Variants in ATP6V1C2 observed in about 807,000 individuals in gnomAD.
ATP6V1C2 encodes the protein V-type proton ATPase subunit C 2.
A neutral mutation model predicts 56.8 loss-of-function variants in ATP6V1C2; 45 were observed. The observed-to-expected ratio is 0.79, with a 90% confidence interval of 0.62 to 1.02. The LOEUF is 1.02. Ranked by LOEUF, ATP6V1C2 falls within the 50% of genes least tolerant of loss-of-function variation. The probability of loss-of-function intolerance (pLI) is 0.00; values close to 1 mark genes in which losing one functional copy is unlikely to be tolerated. For missense variants in ATP6V1C2, 463 were observed against 519.7 expected, an observed-to-expected ratio of 0.89 and a Z score of 1.06; for synonymous variants, 220 against 201.3, an observed-to-expected ratio of 1.09 and a Z score of -0.79.
At chr2:10,782,182 T>C in intron 12 of ATP6V1C2, 61 bp from the exon 13 acceptor site, 2 of 1,596,394 alleles carry the variant, frequency 1.3e-6, no homozygotes, top group South Asian at 2.3e-5. Flanking sequence ...TCTGGTCAGG[T>C]TCCTTCTATC....
intron 5 of ATP6V1C2, among the ~76,000 whole-genome samples, chr2:10,767,567 C>T (rs2148487378): frequency 6.6e-6 from 1 of 152,296 alleles, no homozygotes; most frequent in African/African-American, 2.4e-5. Flanking sequence ...AAGCAATTCT[C>T]CTGCCTCAGC....
Position 10,778,670 on chromosome 2 carries a change from G to A in ATP6V1C2, c.1061+1G>A, listed in dbSNP as rs966518750. The A allele has an allele frequency of 6.2e-7, 1 of 1,614,142 alleles. No homozygotes were observed. Among genetic ancestry groups the A allele is most frequent in the Non-Finnish European group, 8.5e-7 (1 of 1,179,976 alleles). ...GAGTGTTTGTGGAGTCCGTGCTCAG[G>A]TGCGTGGCAGTGATGCCCCGGCTGG... On this transcript the variant is annotated splice_donor_variant, in intron 12 of 13. Coordinates refer to ENST00000272238, the MANE Select transcript of ATP6V1C2 (RefSeq NM_001039362.2). LOFTEE classifies it high-confidence loss of function.
At chr2:10,746,992 G>A (rs2148446590) in intron 3 of ATP6V1C2, among the ~76,000 whole-genome samples, 1 of 152,368 alleles carries the variant, frequency 6.6e-6, no homozygotes, top group South Asian at 2.1e-4. Context: ...TTCTCAGCCA[G>A]GTGCGGTGGC....
intron 3 of ATP6V1C2, among the ~76,000 whole-genome samples, chr2:10,733,146 A>G (rs1249331458): frequency 6.6e-6 from 1 of 152,172 alleles, no homozygotes; most frequent in African/African-American, 2.4e-5. Flanking sequence ...TATATTCTTA[A>G]GAGCCTTCCT....
intron 8 of ATP6V1C2, 96 bp downstream of exon 8, chr2:10,772,706 C>T (rs1173912449): frequency 8.1e-6 from 9 of 1,115,362 alleles, no homozygotes; most frequent in Non-Finnish European, 1.2e-5. Context: ...GGGTGTGAGG[C>T]TCCCCAGCTT....
intron 3 of ATP6V1C2, among the ~76,000 whole-genome samples, chr2:10,730,108 A>T (rs1661869194): frequency 6.6e-6 from 1 of 152,120 alleles, no homozygotes; most frequent in Non-Finnish European, 1.5e-5. Flanking sequence ...AGTTCTAGTG[A>T]ACATACTTTG....
chr2:10,752,862 G>C (rs1043916804), intron 3 of ATP6V1C2, among the ~76,000 whole-genome samples: 4 of 152,102 alleles, frequency 2.6e-5, no homozygotes, highest in African/African-American at 4.8e-5. Context: ...TGGGTGTCGT[G>C]GTGGGCCTCT....
At chr2:10,723,504 G>A (rs370819545) in intron 2 of ATP6V1C2, among the ~76,000 whole-genome samples, 62 of 152,058 alleles carry the variant, frequency 4.1e-4, no homozygotes, top group Non-Finnish European at 8.5e-4. Context: ...GCATCTAAGG[G>A]TTCTTGGAGT....
chr2:10,723,141 A>G (rs10929693), intron 2 of ATP6V1C2, among the ~76,000 whole-genome samples, 163 bp downstream of exon 2: 60,196 of 151,896 alleles, frequency 0.4, 13,750 homozygotes, highest in East Asian at 0.65. Context: ...GTGATGGGCT[A>G]GGTGGGATAT....
intron 3 of ATP6V1C2, among the ~76,000 whole-genome samples, chr2:10,738,641 T>A (rs2171775): frequency 0.021 from 3,192 of 152,296 alleles, 106 homozygotes; most frequent in African/African-American, 0.074. Flanking sequence ...TGGACGTTCC[T>A]TATTTTCACG....
At chr2:10,751,106 G>A (rs1663188210) in intron 3 of ATP6V1C2, among the ~76,000 whole-genome samples, 1 of 152,204 alleles carries the variant, frequency 6.6e-6, no homozygotes, top group Admixed American at 6.5e-5. Context: ...ATTATAGGGA[G>A]ACAGAGTTAT....
rs375060641 is a variant in ATP6V1C2 at position 10,759,112 on chromosome 2, G to A, written c.283+5046G>A. Among the ~76,000 whole-genome samples the A allele has an allele frequency of 5.3e-5, 8 of 152,284 alleles. No homozygotes were observed. The East Asian group carries it at 5.8e-4, about 11-fold the overall frequency. ...GTTGCATTTTAATCCTATCTCCTCCGGGGGCATTTAGGGCACCACTGCCTG... is the reference window on the plus strand; with the variant it reads ...GTTGCATTTTAATCCTATCTCCTCCAGGGGCATTTAGGGCACCACTGCCTG... On this transcript the variant is annotated intron_variant, in intron 4 of 13. Transcript: ENST00000272238.
At chr2:10,732,752 C>A (rs1485413131) in intron 3 of ATP6V1C2, among the ~76,000 whole-genome samples, 4 of 151,700 alleles carry the variant, frequency 2.6e-5, no homozygotes, top group Non-Finnish European at 5.9e-5. Flanking sequence ...GCGGGTGGAT[C>A]ATGAGGTCAA....
In ATP6V1C2 at chr2:10,771,921, C is replaced by T; in HGVS notation, c.553C>T (p.Leu185=). ...GGATTCTGAATATCTCGTCACACTTCTGGTCATCGTCCCCAAGTGAGTGCT... is the reference window on the plus strand; with the variant it reads ...GGATTCTGAATATCTCGTCACACTTTTGGTCATCGTCCCCAAGTGAGTGCT... The part of the protein sequence containing the change: ...VLDSEYLVTL[L]VIVPKPNYSQ... The change falls in exon 7 of 14, where the codon CTG becomes TTG. Residue 185 remains leucine (L), a synonymous_variant. Transcript: ENST00000272238. 1 of 1,614,040 alleles carries T rather than the reference C, an allele frequency of 6.2e-7. No homozygotes were observed. Among genetic ancestry groups the T allele is most frequent in the South Asian group, 1.1e-5 (1 of 91,078 alleles).
chr2:10,783,984 G>C lies in ATP6V1C2; in HGVS notation c.*721G>C, dbSNP rs1158293897. 1 of 276,050 alleles carries C rather than the reference G, an allele frequency of 3.6e-6. No homozygotes were observed. Among genetic ancestry groups the C allele is most frequent in the Non-Finnish European group, 6.7e-6 (1 of 149,200 alleles). 17.1% of individuals were successfully genotyped at this position (276,050 alleles called of 1,614,324 possible). On this transcript the variant is annotated 3_prime_UTR_variant, in exon 14 of 14. Transcript: ENST00000272238. ...CAAGAACATTCAAGCAGCAGTCAGA[G>C]AGAAAAATGTTTCGACAGCCAAGTT...
intron 6 of ATP6V1C2, among the ~76,000 whole-genome samples, chr2:10,771,205 A>G (rs1045449241): frequency 1.3e-5 from 2 of 152,208 alleles, no homozygotes; most frequent in Non-Finnish European, 2.9e-5. Flanking sequence ...CCGGGGAAGC[A>G]CTGTGTGCCG....
At chr2:10,774,491 G>A (rs1686454) in intron 8 of ATP6V1C2, among the ~76,000 whole-genome samples, 45,240 of 152,012 alleles carry the variant, frequency 0.3, 7,128 homozygotes, top group Middle Eastern at 0.42. Flanking sequence ...CTGTGGTGAC[G>A]GAGGCCCAGG....
At chr2:10,739,783 G>C (rs1662446567) in intron 3 of ATP6V1C2, among the ~76,000 whole-genome samples, 1 of 151,990 alleles carries the variant, frequency 6.6e-6, no homozygotes, top group Non-Finnish European at 1.5e-5. Context: ...TTATTTTAAA[G>C]TTGCATGGAG....
chr2:10,763,378 G>A lies in ATP6V1C2; in HGVS notation c.284-953G>A, dbSNP rs947541093. Among the ~76,000 whole-genome samples, 1 of 152,122 alleles carries A rather than the reference G, an allele frequency of 6.6e-6. No individual in the cohort carries two copies. ...TTTGTCCTCCCTTAGCACTCTAGGC[G>A]GTTATCACTGGGCCCCCAGCTCTCT... On this transcript the variant is annotated intron_variant, in intron 4 of 13. Transcript: ENST00000272238. The surrounding 1 kb of genome is among the most constrained non-coding windows in gnomAD (Gnocchi z 4.2).
Sources: gnomAD v4.1 joint callset for allele counts (sites outside exome capture counted in the v4.1 genomes callset) on GRCh38, gnomAD v4.1.1 for gene constraint, Gnocchi (gnomAD v3.1) non-coding constraint, MANE v1.5 for transcripts, NCBI Gene and HGNC (gene_info 2026-07-23, HGNC 2026-07-21) for gene names.